The following ACVR2A variants were observed in gnomAD, a reference collection of about 807,000 sequenced individuals.
The protein encoded by ACVR2A is activin A receptor type 2A.
A neutral mutation model predicts 61.4 loss-of-function variants in ACVR2A; 7 were observed. The observed-to-expected ratio is 0.11, with a 90% CI of 0.06 to 0.21. ACVR2A has a LOEUF of 0.21. ACVR2A is among the 10% of genes least tolerant of loss of function. ACVR2A has a pLI of 1.00. For synonymous variants in ACVR2A, 193 were observed against 208.3 expected (o/e 0.93, Z 0.63); for missense variants, 322 against 621.7 (o/e 0.52, Z 5.13).
At chr2:147,900,323 A>G (rs1686840380) in intron 4 of ACVR2A, 1 of 154,044 alleles carries the variant, frequency 6.5e-6, no homozygotes, top group South Asian at 2.1e-4. Flanking sequence ...GACTTAGGAA[A>G]GTAACCAAAA....
At chr2:147,882,293 G>A (rs1686324770) in intron 1 of ACVR2A, among the ~76,000 whole-genome samples, 1 of 152,248 alleles carries the variant, frequency 6.6e-6, no homozygotes, top group Admixed American at 6.5e-5. Context: ...GCTCATGACT[G>A]TAATCCCAGC....
intron 1 of ACVR2A, chr2:147,877,414 TAAGC>T (rs1332695949): frequency 6.6e-6 from 1 of 152,150 alleles, no homozygotes; most frequent in Non-Finnish European, 1.5e-5. Flanking sequence ...TATTAAAACA[TAAGC>T]AAGGTGCTTG....
At chr2:147,909,833 G>C (rs1201179629) in intron 4 of ACVR2A, among the ~76,000 whole-genome samples, 1 of 151,878 alleles carries the variant, frequency 6.6e-6, no homozygotes, top group Admixed American at 6.6e-5. Flanking sequence ...GTAGAGAAGG[G>C]ATCTCCCTGT....
At chr2:147,858,136 C>G (rs1685633583) in intron 1 of ACVR2A, among the ~76,000 whole-genome samples, 1 of 152,140 alleles carries the variant, frequency 6.6e-6, no homozygotes, top group African/African-American at 2.4e-5. Flanking sequence ...GAAGGACGTG[C>G]TCTCGTTTGC....
At chr2:147,844,589 C>G (rs1394271970), upstream of ACVR2A, 1 of 153,368 alleles carries the variant, frequency 6.5e-6, no homozygotes, top group Non-Finnish European at 1.4e-5. Flanking sequence ...TTGGCCGCCG[C>G]CTGCACCGCC....
chr2:147,926,537 C>T (rs962525038), intron 10 of ACVR2A, among the ~76,000 whole-genome samples: 13 of 151,934 alleles, frequency 8.6e-5, no homozygotes, highest in Non-Finnish European at 1.8e-4. Flanking sequence ...TTTCTCCTCT[C>T]CATGGGAGTT....
At chr2:147,890,342 G>GTGTGTGTGTT (rs1553443819) in intron 1 of ACVR2A, among the ~76,000 whole-genome samples, 11 of 2,808 alleles carry the variant, frequency 3.9e-3, no homozygotes, top group African/African-American at 4.1e-3. Context: ...CATTAGTATA[G>GTGTGTGTGTT]TGTGTGTGTG....
At position 147,929,511 on chromosome 2, in the gene ACVR2A, A is replaced by G. The variant is rs1687601796; in HGVS notation, c.*2237A>G. 1 of 152,446 alleles carries G rather than the reference A, an allele frequency of 6.6e-6. No homozygotes were observed. The allele number at this position is 152,446 out of a possible 1,614,324, so 9.4% of individuals were successfully genotyped here. ...GAAAAAATTTTTAGAAATCCTGGGTATTGTATTTAACTGTAGCTAACCAAT... is the reference window on the plus strand; with the variant it reads ...GAAAAAATTTTTAGAAATCCTGGGTGTTGTATTTAACTGTAGCTAACCAAT... On this transcript the variant is annotated 3_prime_UTR_variant, in exon 11 of 11. Coordinates refer to ENST00000241416, the MANE Select transcript of ACVR2A (RefSeq NM_001616.5).
intron 1 of ACVR2A, among the ~76,000 whole-genome samples, chr2:147,890,502 C>T (rs762770073): frequency 1.8e-4 from 27 of 152,102 alleles, no homozygotes; most frequent in Non-Finnish European, 3.1e-4. Context: ...GGCACTCAGA[C>T]ATATGAATGT....
Position 147,927,543 on chromosome 2 carries a change from CCAAAT to C in ACVR2A, c.*273_*277del, listed in dbSNP as rs898855159. ...GTGTACATGAAGAATGTAGCCCTCT[CCAAAT>C]CAAGGATCTTTTGGACCTGGCTAAT... On this transcript the variant is annotated 3_prime_UTR_variant, in exon 11 of 11. Coordinates refer to ENST00000241416, the MANE Select transcript of ACVR2A (RefSeq NM_001616.5). 7.5e-6 allele frequency: 2 copies of C among 266,900 alleles called. No individual in the cohort carries two copies. The highest frequency in any genetic ancestry group is 4.4e-5 in the African/African-American group (2 of 45,340). 16.5% of individuals were successfully genotyped at this position (266,900 alleles called of 1,614,324 possible). A position where few individuals can be genotyped will look rare whatever the true frequency, so the allele number is the denominator to read the frequency against.
At chr2:147,865,518 C>T (rs1456317831) in intron 1 of ACVR2A, among the ~76,000 whole-genome samples, 1 of 152,188 alleles carries the variant, frequency 6.6e-6, no homozygotes, top group Non-Finnish European at 1.5e-5. Flanking sequence ...CTTGCTACCT[C>T]AGTATTCATT....
chr2:147,911,221 T>C (rs541645609), intron 4 of ACVR2A, among the ~76,000 whole-genome samples: 1 of 152,176 alleles, frequency 6.6e-6, no homozygotes, highest in African/African-American at 2.4e-5. Context: ...TAAATAATCA[T>C]TATTTAAGAC....
At chr2:147,871,033 C>T (rs1057015426) in intron 1 of ACVR2A, among the ~76,000 whole-genome samples, 13 of 151,838 alleles carry the variant, frequency 8.6e-5, no homozygotes, top group Non-Finnish European at 1.9e-4. Flanking sequence ...GAATGAATTG[C>T]AGATTCCCCA....
chr2:147,884,415 G>A (rs1328376603), intron 1 of ACVR2A, among the ~76,000 whole-genome samples: 1 of 152,040 alleles, frequency 6.6e-6, no homozygotes, highest in African/African-American at 2.4e-5. Context: ...CACATTTTGT[G>A]GCTGTAGGCA....
chr2:147,912,205 G>C (rs3768689), intron 4 of ACVR2A, among the ~76,000 whole-genome samples: 49,419 of 151,730 alleles, frequency 0.33, 8,295 homozygotes, highest in East Asian at 0.51. Context: ...TAGTGGTTTG[G>C]GGGCAGGAGA....
chr2:147,852,074 C>G (rs927748358), intron 1 of ACVR2A, among the ~76,000 whole-genome samples: 4 of 151,924 alleles, frequency 2.6e-5, no homozygotes, highest in South Asian at 2.1e-4. Context: ...AAGTTATGTT[C>G]AAATTTAAAT....
chr2:147,903,143 T>C (rs538254366), intron 4 of ACVR2A, among the ~76,000 whole-genome samples: 2 of 151,990 alleles, frequency 1.3e-5, no homozygotes, highest in East Asian at 3.9e-4. Context: ...GGGGTATAAG[T>C]ACTTTAAAAT....
intron 5 of ACVR2A, among the ~76,000 whole-genome samples, chr2:147,916,573 G>A (rs772133424): frequency 5.3e-5 from 8 of 151,874 alleles, no homozygotes; most frequent in Non-Finnish European, 1.2e-4. Context: ...ACTTGCCAGA[G>A]GTTAGTGGGA....
At chr2:147,878,756 A>G (rs1222020016) in intron 1 of ACVR2A, among the ~76,000 whole-genome samples, 1 of 150,686 alleles carries the variant, frequency 6.6e-6, no homozygotes. Flanking sequence ...AAAAAAATAC[A>G]AAAAAAAGCC....
Sources: allele counts gnomAD v4.1 joint callset (sites outside exome capture counted in the v4.1 genomes callset), GRCh38; gene constraint gnomAD v4.1.1; transcripts MANE v1.5; gene names NCBI Gene and HGNC (gene_info 2026-07-23, HGNC 2026-07-21).